PTPRN2: variants seen among roughly 807,000 people sequenced by gnomAD.
PTPRN2 encodes the protein protein tyrosine phosphatase receptor type N2.
A neutral mutation model predicts 118.8 loss-of-function variants in PTPRN2; 74 were observed. That is an observed-to-expected ratio of 0.62 (90% CI 0.52 to 0.76). The LOEUF is 0.76. Ranked by LOEUF, PTPRN2 falls within the 30% of genes least tolerant of loss-of-function variation. PTPRN2 has a pLI of 0.00. For synonymous variants in PTPRN2, 641 were observed against 608.0 expected, an observed-to-expected ratio of 1.05 and a Z score of -0.80; for missense variants, 1,481 against 1,394.4, an observed-to-expected ratio of 1.06 and a Z score of -0.99.
rs1351386953 is a variant in PTPRN2 at position 158,270,750 on chromosome 7, T to C, written c.277+46069A>G. ...GGGTGCCTTCTCTACCTGAGCCGTCTTCTCCACCTGGACCACCCCGTCCAC... is the reference window on the plus strand; with the variant it reads ...GGGTGCCTTCTCTACCTGAGCCGTCCTCTCCACCTGGACCACCCCGTCCAC... On this transcript the variant is annotated intron_variant, in intron 3 of 22. Transcript: ENST00000389418. Among the ~76,000 whole-genome samples the C allele has an allele frequency of 1.3e-4, 18 of 141,750 alleles. 1 individual carries two copies. Among genetic ancestry groups the C allele is most frequent in the African/African-American group, 4.5e-4 (16 of 35,798 alleles). 93.0% of individuals were successfully genotyped at this position (141,750 alleles called of 152,430 possible).
intron 12 of PTPRN2, among the ~76,000 whole-genome samples, chr7:157,826,159 T>C (rs971081978): frequency 6.8e-6 from 1 of 146,852 alleles, no homozygotes; most frequent in Non-Finnish European, 1.5e-5. Context: ...ACCACAATCA[T>C]CACAACGAGC....
Position 158,069,326 on chromosome 7 carries a change from C to T in PTPRN2, c.1723+11972G>A, listed in dbSNP as rs113268814. ...TCAAGAGATCCTCCCACCTCAACCT[C>T]CTGTGTGGGACTTACAGGTACATCA... On this transcript the variant is annotated intron_variant, in intron 11 of 22. Transcript: ENST00000389418. Among the ~76,000 whole-genome samples the T allele has an allele frequency of 4.4e-3, 668 of 152,320 alleles. 8 individuals are homozygous for T. Among genetic ancestry groups the T allele is most frequent in the African/African-American group, 0.016 (645 of 41,568 alleles).
chr7:158,277,720 A>G (rs1163300341), intron 3 of PTPRN2, among the ~76,000 whole-genome samples: 1 of 152,180 alleles, frequency 6.6e-6, no homozygotes, highest in Non-Finnish European at 1.5e-5. Flanking sequence ...GAAACTCTGT[A>G]CGGTCCTCCC....
chr7:158,066,697 T>G (rs1810802822), intron 11 of PTPRN2, among the ~76,000 whole-genome samples: 1 of 152,090 alleles, frequency 6.6e-6, no homozygotes. Flanking sequence ...TGAAGTCCCT[T>G]ACGAATACAT....
At chr7:157,821,779 G>A (rs769780938) in intron 12 of PTPRN2, among the ~76,000 whole-genome samples, 3 of 152,134 alleles carry the variant, frequency 2.0e-5, no homozygotes, top group Non-Finnish European at 4.4e-5. Flanking sequence ...TAAACCAGAG[G>A]CCAGGGAAAC....
chr7:158,171,348 T>TATATATACAC (rs1554571717), intron 5 of PTPRN2, among the ~76,000 whole-genome samples: 21 of 89,978 alleles, frequency 2.3e-4, no homozygotes, highest in East Asian at 1.5e-3. Context: ...TATATATATA[T>TATATATACAC]ACACACACAC....
At chr7:158,268,161 A>G (rs1798007291) in intron 3 of PTPRN2, among the ~76,000 whole-genome samples, 1 of 152,218 alleles carries the variant, frequency 6.6e-6, no homozygotes, top group Non-Finnish European at 1.5e-5. Context: ...AGAGCCCCTA[A>G]GTGAATCAGT....
chr7:157,702,807 C>T (rs1003772896), intron 12 of PTPRN2, among the ~76,000 whole-genome samples: 2 of 152,218 alleles, frequency 1.3e-5, no homozygotes, highest in African/African-American at 2.4e-5. Context: ...TGCTGCTCCG[C>T]GCTGCCGAAT....
At chr7:158,407,662 C>T (rs1176122855) in intron 2 of PTPRN2, among the ~76,000 whole-genome samples, 1 of 89,524 alleles carries the variant, frequency 1.1e-5, no homozygotes, top group African/African-American at 4.1e-5. Context: ...CTGCATCCTG[C>T]GTCCTGCGTC....
chr7:158,319,476 G>GCCTCTCACACACACA (rs1563131407), intron 2 of PTPRN2, among the ~76,000 whole-genome samples: 24 of 35,638 alleles, frequency 6.7e-4, no homozygotes, highest in Non-Finnish European at 1.1e-3. Flanking sequence ...TCACACACAA[G>GCCTCTCACACACACA]CACAGCCTCC....
At chr7:158,443,518 C>T (rs1346587395) in intron 2 of PTPRN2, among the ~76,000 whole-genome samples, 6 of 152,158 alleles carry the variant, frequency 3.9e-5, no homozygotes, top group Non-Finnish European at 7.4e-5. Context: ...TCCTGGGCTG[C>T]CCTGGCTACC....
rs1802731465 is a variant in PTPRN2, at chr7:157,615,761, C to T, written c.2344+5601G>A. ...CAAGCTCTGGAGGCTGAACGAGAAT[C>T]GGTTACAGGAGATGAACACAAGGCT... On this transcript the variant is annotated intron_variant, in intron 15 of 22. Transcript: ENST00000389418. This position sits in a 1 kb window ranked among gnomAD's most constrained non-coding sequence, Gnocchi z 4.3. 2 of 378,736 alleles carry T rather than the reference C, an allele frequency of 5.3e-6. No homozygotes were observed. The highest frequency in any genetic ancestry group is 1.1e-5 in the Non-Finnish European group (2 of 186,914). The allele number at this position is 378,736 out of a possible 1,614,324, so 23.5% of individuals were successfully genotyped here. A position where few individuals can be genotyped will look rare whatever the true frequency, so the allele number is the denominator to read the frequency against.
chr7:158,556,946 A>AGGCGG (rs1339707139), intron 1 of PTPRN2, among the ~76,000 whole-genome samples: 4 of 110,526 alleles, frequency 3.6e-5, no homozygotes, highest in African/African-American at 6.9e-5. Context: ...CGCGCAGGTC[A>AGGCGG]CTCCCACGCA....
At position 158,521,475 on chromosome 7, in the gene PTPRN2, C is replaced by T. The variant is rs114085919; in HGVS notation, c.113-31690G>A. ...CAGCAAGATGCTGAAGCAGTAACTC[C>T]AAAATCAGTTGACGAATGATTTCTC... On this transcript the variant is annotated intron_variant, in intron 1 of 22. Coordinates refer to ENST00000389418, the MANE Select transcript of PTPRN2 (RefSeq NM_002847.5). Among the ~76,000 whole-genome samples the T allele has an allele frequency of 1.0e-3, 152 of 152,330 alleles. 1 individual carries two copies. The highest frequency in any genetic ancestry group is 3.5e-3 in the African/African-American group (146 of 41,554).
In PTPRN2 at chr7:158,337,628, G is replaced by T. The variant is rs62481682; in HGVS notation, c.164-20696C>A. ...ACTCTCACCATAAGAGGAGACACCT[G>T]CAGACGTCATTCACACCCACACTCT... On this transcript the variant is annotated intron_variant, in intron 2 of 22. Coordinates refer to ENST00000389418, the MANE Select transcript of PTPRN2 (RefSeq NM_002847.5). Among the ~76,000 whole-genome samples the T allele has an allele frequency of 5.0e-3, 154 of 30,498 alleles. 1 individual carries two copies. The highest frequency in any genetic ancestry group is 0.017 in the African/African-American group (118 of 6,798). The allele number at this position is 30,498 out of a possible 152,430, so 20.0% of individuals were successfully genotyped here.
At chr7:157,657,755 C>G (rs1233486280) in intron 13 of PTPRN2, among the ~76,000 whole-genome samples, 2 of 35,618 alleles carry the variant, frequency 5.6e-5, no homozygotes, top group East Asian at 1.4e-3. Flanking sequence ...CACACATACA[C>G]CACACACACC....
chr7:157,548,896 A>C (rs1798457474), intron 22 of PTPRN2, 50 bp downstream of exon 22: 2 of 1,554,880 alleles, frequency 1.3e-6, no homozygotes, highest in African/African-American at 2.7e-5. Context: ...ACACGGCCGC[A>C]GAGAGGCACC....
At chr7:158,197,039 T>C (rs531425089) in intron 4 of PTPRN2, among the ~76,000 whole-genome samples, 4 of 152,212 alleles carry the variant, frequency 2.6e-5, no homozygotes, top group Non-Finnish European at 5.9e-5. Flanking sequence ...TGTGTGTGTG[T>C]GTGCGTGTGC....
chr7:158,425,961 A>G (rs373171814), intron 2 of PTPRN2, among the ~76,000 whole-genome samples: 446 of 48,310 alleles, frequency 9.2e-3, no homozygotes, highest in East Asian at 0.019. Flanking sequence ...GGAAAGACGC[A>G]GAGTCCGAGA....
Sources: gnomAD v4.1 joint callset for allele counts (sites outside exome capture counted in the v4.1 genomes callset) on GRCh38, gnomAD v4.1.1 for gene constraint, Gnocchi (gnomAD v3.1) non-coding constraint, MANE v1.5 for transcripts, NCBI Gene and HGNC (gene_info 2026-07-23, HGNC 2026-07-21) for gene names.